PARP8: variants seen among roughly 807,000 people sequenced by gnomAD.
The protein encoded by PARP8 is poly(ADP-ribose) polymerase family member 8.
Under a neutral mutation model 124.1 loss-of-function variants are expected in PARP8, and 51 were observed. The ratio of observed to expected loss-of-function variants is 0.41; its 90% CI spans 0.33 to 0.52. The LOEUF (loss-of-function observed/expected upper bound fraction) is 0.52. Among genes scored for constraint, PARP8 ranks in the 20% least tolerant of loss-of-function variants. The pLI is 0.21. For synonymous variants in PARP8, 391 were observed against 361.5 expected, an observed-to-expected ratio of 1.08 and a Z score of -0.93; for missense variants, 860 against 1,018.9, an observed-to-expected ratio of 0.84 and a Z score of 2.12.
intron 2 of PARP8, among the ~76,000 whole-genome samples, chr5:50,747,761 CTTTTTTTTTTTTTTTT>C (rs70972943): frequency 0.018 from 934 of 52,968 alleles, 20 homozygotes; most frequent in East Asian, 0.094. Context: ...ATAGACCTTG[CTTTTTTTTTTTTTTTT>C]TTTTTTTTTT....
At chr5:50,699,127 A>G (rs755987281) in intron 2 of PARP8, among the ~76,000 whole-genome samples, 7 of 152,166 alleles carry the variant, frequency 4.6e-5, no homozygotes, top group Non-Finnish European at 8.8e-5. Flanking sequence ...CTTCAGTTCC[A>G]TTTAAGTGGG....
intron 6 of PARP8, among the ~76,000 whole-genome samples, chr5:50,762,238 T>G (rs1444684935): frequency 6.6e-6 from 1 of 152,108 alleles, no homozygotes; most frequent in Non-Finnish European, 1.5e-5. Context: ...GTAATAAAAG[T>G]GTATATTGTT....
At chr5:50,788,393 C>T (rs1367853691) in intron 9 of PARP8, 130 bp from the exon 10 acceptor site, 1 of 689,982 alleles carries the variant, frequency 1.4e-6, no homozygotes, top group Admixed American at 2.5e-5. Flanking sequence ...TTGTTTAGGA[C>T]TGCATGTACA....
chr5:50,781,414 A>G (rs1213744715), intron 9 of PARP8, among the ~76,000 whole-genome samples: 1 of 152,174 alleles, frequency 6.6e-6, no homozygotes, highest in African/African-American at 2.4e-5. Flanking sequence ...AAGAGTTGAA[A>G]TTGTTCTTCT....
intron 2 of PARP8, among the ~76,000 whole-genome samples, chr5:50,724,580 C>T (rs1305589127): frequency 6.6e-6 from 1 of 152,188 alleles, no homozygotes; most frequent in African/African-American, 2.4e-5. Context: ...CTTTCCTCTT[C>T]TGCCATCTGT....
intron 14 of PARP8, among the ~76,000 whole-genome samples, chr5:50,797,810 A>G (rs536268569): frequency 1.5e-3 from 234 of 152,318 alleles, no homozygotes; most frequent in African/African-American, 5.4e-3. Flanking sequence ...TGGAATTTTT[A>G]TTGCTAAAAT....
chr5:50,719,532 T>G (rs1447007841), intron 2 of PARP8, among the ~76,000 whole-genome samples: 2 of 152,072 alleles, frequency 1.3e-5, no homozygotes, highest in African/African-American at 4.8e-5. Flanking sequence ...CTAGTTTTAT[T>G]TTTCTGCATA....
intron 2 of PARP8, among the ~76,000 whole-genome samples, chr5:50,710,669 T>G (rs1445807144): frequency 3.3e-5 from 5 of 152,150 alleles, no homozygotes; most frequent in Non-Finnish European, 5.9e-5. Flanking sequence ...AGCTTGTTTT[T>G]GTGTGGATGC....
In PARP8 at chr5:50,764,921, T is replaced by A. The variant is rs545514563; in HGVS notation, c.518+1679T>A. ...TACACCAAAATATGTCTATGGGATA[T>A]AACAATCATAATACAACATAGACTT... On this transcript the variant is annotated intron_variant, in intron 7 of 25. Coordinates refer to ENST00000281631, the MANE Select transcript of PARP8 (RefSeq NM_024615.4). Among the ~76,000 whole-genome samples, 207 of 152,052 alleles carry A rather than the reference T, an allele frequency of 1.4e-3. 1 individual carries two copies. Among genetic ancestry groups the A allele is most frequent in the African/African-American group, 4.9e-3 (205 of 41,474 alleles).
At chr5:50,732,059 G>A (rs558860734) in intron 2 of PARP8, among the ~76,000 whole-genome samples, 15 of 152,312 alleles carry the variant, frequency 9.8e-5, no homozygotes, top group Non-Finnish European at 1.9e-4. Context: ...TCTGAAATTT[G>A]AAGCACATTA....
At chr5:50,774,426 G>A (rs927425728) in intron 7 of PARP8, among the ~76,000 whole-genome samples, 1 of 152,074 alleles carries the variant, frequency 6.6e-6, no homozygotes, top group African/African-American at 2.4e-5. Context: ...GCCAGGCAGA[G>A]GCGCTCCTCA....
At chr5:50,818,570 G>C (rs1031847559) in intron 15 of PARP8, among the ~76,000 whole-genome samples, 3 of 151,792 alleles carry the variant, frequency 2.0e-5, no homozygotes, top group East Asian at 3.9e-4. Flanking sequence ...TTGGAGACAA[G>C]GTCTCACTGT....
At chr5:50,795,532 T>A in intron 12 of PARP8, 115 bp downstream of exon 12, 1 of 841,412 alleles carries the variant, frequency 1.2e-6, no homozygotes, top group Non-Finnish European at 1.8e-6. Context: ...TAATTTACTG[T>A]TTTTTTAAAA....
At chr5:50,693,557 A>G (rs554230357) in intron 2 of PARP8, among the ~76,000 whole-genome samples, 41 of 151,872 alleles carry the variant, frequency 2.7e-4, no homozygotes, top group African/African-American at 9.4e-4. Context: ...ACTTGTTATG[A>G]CAATGCAGAA....
Position 50,724,945 on chromosome 5 carries a change from G to A in PARP8, c.147-25206G>A, listed in dbSNP as rs77289009. ...TTAGCTCCCACTTTTAAGTGAAAAC[G>A]TATGGTTTTTGGTTTTCCACTCCTG... On this transcript the variant is annotated intron_variant, in intron 2 of 25. Transcript: ENST00000281631. Among the ~76,000 whole-genome samples the A allele has an allele frequency of 5.5e-3, 842 of 151,990 alleles. 7 individuals are homozygous for A. The highest frequency in any genetic ancestry group is 0.019 in the African/African-American group (787 of 41,454).
chr5:50,763,306 G>C (rs980512843), intron 7 of PARP8, 64 bp downstream of exon 7: 134 of 1,338,268 alleles, frequency 1.0e-4, no homozygotes, highest in Non-Finnish European at 1.1e-4. Flanking sequence ...ATTTACTTTT[G>C]GAGTAATTTA....
intron 2 of PARP8, among the ~76,000 whole-genome samples, chr5:50,704,565 G>A (rs371132905): frequency 3.3e-5 from 5 of 152,058 alleles, no homozygotes; most frequent in South Asian, 2.1e-4. Flanking sequence ...AGTGGCTTTC[G>A]AGCACTTAAA....
chr5:50,819,432 T>G (rs796949570), intron 15 of PARP8, among the ~76,000 whole-genome samples: 7 of 120,932 alleles, frequency 5.8e-5, no homozygotes, highest in African/African-American at 2.1e-4. Context: ...ATCTTCTTTT[T>G]TTTTTTTTTT....
In PARP8 at chr5:50,788,590, G is replaced by GGTTGAAATCGCATTATATA; in HGVS notation, c.737+1_737+2insGTTGAAATCGCATTATATA. Reference sequence around the variant, plus strand: ...TTGGATTGGGACATCAGCTGAAAAAGTAAGTTTGCTAAAGTGCAAAAAATA... The same window carrying GGTTGAAATCGCATTATATA: ...TTGGATTGGGACATCAGCTGAAAAAGGTTGAAATCGCATTATATATAAGTTTGCTAAAGTGCAAAAAATA... On this transcript the variant is annotated splice_donor_variant, in intron 10 of 25. Coordinates refer to ENST00000281631, the MANE Select transcript of PARP8 (RefSeq NM_024615.4). LOFTEE classifies it high-confidence loss of function. 6.2e-7 allele frequency: 1 copy of GGTTGAAATCGCATTATATA among 1,610,826 alleles called. No homozygotes were observed.
Sources: allele counts gnomAD v4.1 joint callset (sites outside exome capture counted in the v4.1 genomes callset), GRCh38; gene constraint gnomAD v4.1.1; transcripts MANE v1.5; gene names NCBI Gene and HGNC (gene_info 2026-07-23, HGNC 2026-07-21).